Variants in NRXN2 observed in about 807,000 individuals in gnomAD.
The protein encoded by NRXN2 is neurexin-2-beta.
A neutral mutation model predicts 128.8 loss-of-function variants in NRXN2; 29 were observed. The ratio of observed to expected loss-of-function variants is 0.23; its 90% confidence interval spans 0.17 to 0.31. The LOEUF (loss-of-function observed/expected upper bound fraction) is 0.31. Ranked by LOEUF, NRXN2 falls within the 10% of genes least tolerant of loss-of-function variation. NRXN2 has a pLI of 1.00. For synonymous variants in NRXN2, 1,098 were observed against 1,075.2 expected (o/e 1.02, Z -0.41); for missense variants, 1,881 against 2,452.6 (o/e 0.77, Z 4.92).
At position 64,713,015 on chromosome 11, in the gene NRXN2, A is replaced by G; in HGVS notation, c.685T>C (p.Cys229Arg). 1 of 1,484,480 alleles carries G rather than the reference A, an allele frequency of 6.7e-7. No homozygotes were observed. The highest frequency in any genetic ancestry group is 8.9e-7 in the Non-Finnish European group (1 of 1,121,376). The allele number at this position is 1,484,480 out of a possible 1,614,324, so 92.0% of individuals were successfully genotyped here. The change falls in exon 2 of 23, where the codon TGC becomes CGC. Residue 229 changes from cysteine to arginine, a missense_variant. Around this residue, in one of 7 missense-constraint regions of NRXN2, gnomAD observed 997 missense variants for 1,240.8 expected, o/e 0.80. Coordinates refer to ENST00000265459, the MANE Select transcript of NRXN2 (RefSeq NM_015080.4). ...CTVLAPGEVG[C>R]DCSHTGFGGK... ...CCGAAGCCCGTGTGGCTGCAGTCGC[A>G]GCCCACCTCGCCGGGGGCCAGCACG...
Position 64,630,462 on chromosome 11 carries a change from T to C in NRXN2, c.3697A>G (p.Ser1233Gly), listed in dbSNP as rs1207234639. 3 of 1,613,646 alleles carry C rather than the reference T, an allele frequency of 1.9e-6. No homozygotes were observed. Among genetic ancestry groups the C allele is most frequent in the Non-Finnish European group, 2.5e-6 (3 of 1,179,938 alleles). Residue 1233 changes from serine (S) to glycine (G), a missense_variant, in exon 19 of 23, where the codon AGC becomes GGC. By Grantham distance (56) the Ser-to-Gly change is moderately conservative. This residue lies in a region of NRXN2 where 390 missense variants were observed against 599.6 expected (regional missense o/e 0.65). Coordinates refer to ENST00000265459, the MANE Select transcript of NRXN2 (RefSeq NM_015080.4). This position sits in a 1 kb window ranked among gnomAD's most constrained non-coding sequence, Gnocchi z 4.6. ...GKYHVVRFTR[S>G]GGNATLQVDS... ...ACCTGCAGGGTGGCGTTGCCGCCGC[T>C]TCGAGTGAAGCGCACCACGTGGTAT...
intron 17 of NRXN2, among the ~76,000 whole-genome samples, chr11:64,640,725 G>T (rs2045537313): frequency 6.6e-6 from 1 of 152,156 alleles, no homozygotes; most frequent in African/African-American, 2.4e-5. Context: ...GAAAGAGTTT[G>T]AAGGAAGTGC....
chr11:64,701,477 G>A (rs1393889075), intron 2 of NRXN2, among the ~76,000 whole-genome samples: 1 of 152,128 alleles, frequency 6.6e-6, no homozygotes. Flanking sequence ...AATGGTTCGC[G>A]CCTATAATCC....
In NRXN2 at chr11:64,713,303, G is replaced by A. The variant is rs2057125564; in HGVS notation, c.397C>T (p.Arg133Cys). 1.5e-6 allele frequency: 2 copies of A among 1,362,094 alleles called. No individual in the cohort carries two copies. Among genetic ancestry groups the A allele is most frequent in the Non-Finnish European group, 1.9e-6 (2 of 1,063,602 alleles). The allele number at this position is 1,362,094 out of a possible 1,614,324, so 84.4% of individuals were successfully genotyped here. A position where few individuals can be genotyped will look rare whatever the true frequency, so the allele number is the denominator to read the frequency against. ...RTALAVDGEA[R>C]AAEVRSKRRE... The stretch of plus-strand genomic sequence containing the variant: ...CGCTTGGAGCGCACCTCGGCGGCGC[G>A]GGCCTCGCCGTCCACCGCCAGCGCC... Residue 133 changes from arginine to cysteine, a missense_variant, in exon 2 of 23, where the codon CGC becomes TGC. Around this residue, in one of 7 missense-constraint regions of NRXN2, gnomAD observed 997 missense variants for 1,240.8 expected, o/e 0.80. Transcript: ENST00000265459.
At position 64,608,008 on chromosome 11, in the gene NRXN2, C is replaced by T; in HGVS notation, c.4327G>A (p.Val1443Met). The T allele has an allele frequency of 7.3e-7, 1 of 1,364,312 alleles. No individual in the cohort carries two copies. Among genetic ancestry groups the T allele is most frequent in the Non-Finnish European group, 9.7e-7 (1 of 1,026,056 alleles). The allele number at this position is 1,364,312 out of a possible 1,614,324, so 84.5% of individuals were successfully genotyped here. A position where few individuals can be genotyped will look rare whatever the true frequency, so the allele number is the denominator to read the frequency against. ...GGGTAGAAGGTAGGGGGCGGGGGCA[C>T]GAAGGGGGATCGGGTGGCCACGGGA... Reference protein sequence around the residue: ...PPPVATRSPFVPPPPTFYPFL... With the variant: ...PPPVATRSPFMPPPPTFYPFL... Residue 1443 changes from valine to methionine, a missense_variant, in exon 23 of 23, where the codon GTG (valine) becomes ATG (methionine). By Grantham distance (21) the Val-to-Met change is conservative. Around this residue, in one of 7 missense-constraint regions of NRXN2, gnomAD observed 310 missense variants for 318.2 expected, o/e 0.97. Transcript: ENST00000265459.
intron 2 of NRXN2, 126 bp downstream of exon 2, chr11:64,712,844 C>A: frequency 1.1e-6 from 1 of 911,098 alleles, no homozygotes. Context: ...AGCGCTCGCA[C>A]CCACTCACAA....
At chr11:64,702,276 C>T (rs993513814) in intron 2 of NRXN2, among the ~76,000 whole-genome samples, 12 of 152,162 alleles carry the variant, frequency 7.9e-5, no homozygotes, top group African/African-American at 2.7e-4. Flanking sequence ...CCCCTCTGCC[C>T]GGCCACCACC....
rs912730107 is a variant in NRXN2 at position 64,607,601 on chromosome 11, C to T, written c.4734G>A (p.Pro1578=). ...ACGTGGGGGCCCCGGGCCCCAAGGG[C>T]GGGTTCTCCAGCAAGGGCTGAAGCG... ...RDPLQPLLEN[P]PLGPGAPTSF... is the part of the protein sequence containing the mutation. The change falls in exon 23 of 23, where the codon CCG becomes CCA. Residue 1578 remains proline, a synonymous_variant. Coordinates refer to ENST00000265459, the MANE Select transcript of NRXN2 (RefSeq NM_015080.4). 1.4e-5 allele frequency: 21 copies of T among 1,533,914 alleles called. No homozygotes were observed. The African/African-American group carries it at 1.8e-4, about 13-fold the overall frequency.
intron 17 of NRXN2, among the ~76,000 whole-genome samples, chr11:64,647,097 G>GAGGCAA (rs2046798115): frequency 1.3e-5 from 2 of 152,112 alleles, no homozygotes; most frequent in African/African-American, 2.4e-5. Flanking sequence ...GTGTGGTATG[G>GAGGCAA]AGGCAAAGGC....
At chr11:64,652,199 A>T (rs1414933613) in intron 12 of NRXN2, 45 bp from the exon 13 acceptor site, 1 of 1,584,382 alleles carries the variant, frequency 6.3e-7, no homozygotes. Context: ...ATACATGCTC[A>T]TAGGTGACTT....
chr11:64,641,445 G>A (rs1421188004), intron 17 of NRXN2, among the ~76,000 whole-genome samples: 1 of 152,136 alleles, frequency 6.6e-6, no homozygotes, highest in Non-Finnish European at 1.5e-5. Flanking sequence ...GGTGGAAAGT[G>A]ATGGGGCTGA....
At chr11:64,615,854 GTGTGTGTGTGTGTGTA>G (rs1458395173) in intron 22 of NRXN2, among the ~76,000 whole-genome samples, 1 of 117,726 alleles carries the variant, frequency 8.5e-6, no homozygotes, top group South Asian at 3.0e-4. Flanking sequence ...GTGTGTGTGT[GTGTGTGTGTGTGTGTA>G]TGTGTATACC....
intron 22 of NRXN2, among the ~76,000 whole-genome samples, chr11:64,615,587 A>G (rs574578565): frequency 6.6e-6 from 1 of 152,280 alleles, no homozygotes; most frequent in South Asian, 2.1e-4. Flanking sequence ...CTGAGCATAC[A>G]TGGGCCTGGG....
chr11:64,700,145 CCT>C (rs1222933675), intron 2 of NRXN2, among the ~76,000 whole-genome samples: 3 of 152,174 alleles, frequency 2.0e-5, no homozygotes, highest in Non-Finnish European at 4.4e-5. Context: ...CCTCCACATT[CCT>C]CTTACTTCTC....
intron 22 of NRXN2, among the ~76,000 whole-genome samples, chr11:64,609,443 G>A (rs2040272896): frequency 6.6e-6 from 1 of 152,226 alleles, no homozygotes; most frequent in Admixed American, 6.5e-5. Flanking sequence ...GGGAATGAGA[G>A]GGGAGGGCTT....
intron 21 of NRXN2, among the ~76,000 whole-genome samples, chr11:64,620,970 T>G (rs1224107913): frequency 6.6e-6 from 1 of 151,374 alleles, no homozygotes; most frequent in African/African-American, 2.4e-5. Flanking sequence ...ATCCCCAAGA[T>G]GAGTGAGTGT....
Position 64,686,091 on chromosome 11 carries a change from C to T in NRXN2, c.851-144G>A. ...CAACCTGTAGCTTTAGGCCCCTTTC[C>T]CTCCCTCGGCCTGTCAACCATCCTC... On this transcript the variant is annotated intron_variant, in intron 5 of 22. Coordinates refer to ENST00000265459, the MANE Select transcript of NRXN2 (RefSeq NM_015080.4). 3.7e-6 allele frequency: 3 copies of T among 810,450 alleles called. No homozygotes were observed. The South Asian group carries it at 4.4e-5, about 12-fold the overall frequency. The allele number at this position is 810,450 out of a possible 1,614,324, so 50.2% of individuals were successfully genotyped here.
chr11:64,662,707 G>A (rs935444484), intron 9 of NRXN2, among the ~76,000 whole-genome samples: 8 of 152,034 alleles, frequency 5.3e-5, no homozygotes, highest in African/African-American at 1.4e-4. Flanking sequence ...GTGTGAACCC[G>A]GGAGGCAGAG....
rs1402752404 is a variant in NRXN2, at chr11:64,635,964, G to A, written c.3404-512C>T. 6.6e-6 allele frequency among the ~76,000 whole-genome samples: 1 copy of A among 152,018 alleles called. No homozygotes were observed. Among genetic ancestry groups the A allele is most frequent in the Non-Finnish European group, 1.5e-5 (1 of 67,972 alleles). ...GCTCTGACTCACGGCCAGAGCTGGC[G>A]CCCTCCAACATCTCCCATCCCAACC... is the stretch of plus-strand genomic sequence containing the variant. On this transcript the variant is annotated intron_variant, in intron 17 of 22. Transcript: ENST00000265459. This position sits in a 1 kb window ranked among gnomAD's most constrained non-coding sequence, Gnocchi z 4.8.
Sources: allele counts gnomAD v4.1 joint callset (sites outside exome capture counted in the v4.1 genomes callset), GRCh38; gene constraint gnomAD v4.1.1; regional missense constraint gnomAD v4.1.1; non-coding constraint Gnocchi (gnomAD v3.1); transcripts MANE v1.5; gene names NCBI Gene and HGNC (gene_info 2026-07-23, HGNC 2026-07-21).